The following STN1 variants were observed in gnomAD, a reference collection of about 807,000 sequenced individuals.
STN1 encodes CST complex subunit STN1.
A neutral mutation model predicts 45.5 loss-of-function variants in STN1; 29 were observed. That is an observed-to-expected ratio of 0.64 (90% confidence interval 0.47 to 0.87). STN1 has a LOEUF of 0.87. STN1 is among the 40% of genes least tolerant of loss of function. The probability of loss-of-function intolerance (pLI) is 0.00; values close to 1 mark genes in which losing one functional copy is unlikely to be tolerated. For synonymous variants in STN1, 148 were observed against 159.0 expected (o/e 0.93, Z 0.52); for missense variants, 376 against 441.4 (o/e 0.85, Z 1.33).
chr10:103,918,143 C>T lies in STN1; in HGVS notation c.-106G>A. ...CCTGCAGCTCCAGGAGCCCTGAGAC[C>T]TGGCCCTTCCGGCGCTCGGAGCCGC... On this transcript the variant is annotated 5_prime_UTR_variant, in exon 1 of 10. Coordinates refer to ENST00000224950, the MANE Select transcript of STN1 (RefSeq NM_024928.5). The T allele has an allele frequency of 6.5e-6, 1 of 152,714 alleles. No homozygotes were observed. The highest frequency in any genetic ancestry group is 1.5e-5 in the Non-Finnish European group (1 of 68,246). The allele number at this position is 152,714 out of a possible 1,614,324, so 9.5% of individuals were successfully genotyped here.
At chr10:103,893,827 C>A (rs1843155358) in intron 7 of STN1, among the ~76,000 whole-genome samples, 1 of 152,162 alleles carries the variant, frequency 6.6e-6, no homozygotes, top group Non-Finnish European at 1.5e-5. Context: ...ACAATAACAG[C>A]CTAACACACT....
chr10:103,900,651 T>C (rs903911370), intron 4 of STN1, among the ~76,000 whole-genome samples: 15 of 151,982 alleles, frequency 9.9e-5, no homozygotes, highest in African/African-American at 3.4e-4. Context: ...AACATCCCAA[T>C]TTCTCACCTC....
intron 9 of STN1, among the ~76,000 whole-genome samples, chr10:103,885,000 T>C (rs1474116724): frequency 6.6e-6 from 1 of 152,086 alleles, no homozygotes; most frequent in Admixed American, 6.5e-5. Context: ...GAGGAGCAAG[T>C]AGAGCTTGGC....
At chr10:103,900,451 T>C (rs773553655) in intron 4 of STN1, among the ~76,000 whole-genome samples, 4 of 152,192 alleles carry the variant, frequency 2.6e-5, no homozygotes, top group African/African-American at 9.7e-5. Flanking sequence ...GAGTCTAGAC[T>C]GAGGTCCAGC....
intron 4 of STN1, among the ~76,000 whole-genome samples, chr10:103,901,331 C>A (rs1340700594): frequency 6.6e-6 from 1 of 152,202 alleles, no homozygotes; most frequent in Non-Finnish European, 1.5e-5. Context: ...AAGCAATCCT[C>A]CCACCTCAGT....
At chr10:103,917,226 C>T (rs79344305) in intron 2 of STN1, among the ~76,000 whole-genome samples, 2,880 of 148,610 alleles carry the variant, frequency 0.019, 97 homozygotes, top group African/African-American at 0.064. Context: ...GGTAAAAACC[C>T]CAGTACAAAA....
At position 103,881,541 on chromosome 10, in the gene STN1, G is replaced by GT. The variant is rs1843068880; in HGVS notation, c.*1142dup. 2.6e-5 allele frequency among the ~76,000 whole-genome samples: 4 copies of GT among 152,322 alleles called. No homozygotes were observed. In the South Asian group the frequency reaches 8.3e-4, roughly 32 times the overall value. On this transcript the variant is annotated 3_prime_UTR_variant, in exon 10 of 10. Coordinates refer to ENST00000224950, the MANE Select transcript of STN1 (RefSeq NM_024928.5). ...TACTGGTTCTAGCTCTCAGCCTGAC[G>GT]TATCGAGCTGCAGCGGACTTCTGCG...
chr10:103,881,346 T>A lies in STN1; in HGVS notation c.*1338A>T, dbSNP rs572686380. Among the ~76,000 whole-genome samples the A allele has an allele frequency of 6.6e-6, 1 of 152,196 alleles. No homozygotes were observed. Among genetic ancestry groups the A allele is most frequent in the Admixed American group, 6.5e-5 (1 of 15,278 alleles). ...CCCCACTAATCAGATGCATTCAACG[T>A]GGAACAGCTGCTGACCTCAAGGAAG... On this transcript the variant is annotated 3_prime_UTR_variant, in exon 10 of 10. Transcript: ENST00000224950.
intron 4 of STN1, among the ~76,000 whole-genome samples, chr10:103,902,427 G>A (rs1204799506): frequency 6.6e-6 from 1 of 152,196 alleles, no homozygotes; most frequent in Admixed American, 6.5e-5. Flanking sequence ...GTTGGTCTGA[G>A]AAAAAGAGGC....
Position 103,917,959 on chromosome 10 carries a change from C to T in STN1, c.-63+141G>A, listed in dbSNP as rs79484496. 913 of 192,036 alleles carry T rather than the reference C, an allele frequency of 4.8e-3. 13 individuals are homozygous for T. Among genetic ancestry groups the T allele is most frequent in the African/African-American group, 0.02 (857 of 42,976 alleles). 11.9% of individuals were successfully genotyped at this position (192,036 alleles called of 1,614,324 possible). ...AGGCGTAGCAGAAACCGCTTGGGGT[C>T]CCGGGAGGAACGGGCGCCCTCGCAG... On this transcript the variant is annotated intron_variant, in intron 1 of 9. Coordinates refer to ENST00000224950, the MANE Select transcript of STN1 (RefSeq NM_024928.5).
intron 1 of STN1, 50 bp from the exon 2 acceptor site, chr10:103,917,706 G>A: frequency 7.9e-7 from 1 of 1,272,774 alleles, no homozygotes; most frequent in South Asian, 1.4e-5. Context: ...GTGGGTCAAA[G>A]TGGCACGGCC....
At chr10:103,911,375 T>C (rs983461520) in intron 2 of STN1, among the ~76,000 whole-genome samples, 5 of 152,070 alleles carry the variant, frequency 3.3e-5, no homozygotes, top group African/African-American at 1.2e-4. Flanking sequence ...TGTCCCCCAA[T>C]AACCTAACCC....
At chr10:103,917,116 G>A (rs899748389) in intron 2 of STN1, among the ~76,000 whole-genome samples, 6 of 151,944 alleles carry the variant, frequency 3.9e-5, no homozygotes, top group Non-Finnish European at 7.4e-5. Context: ...TTTAGGAAAG[G>A]AGCCAGGCCT....
intron 7 of STN1, among the ~76,000 whole-genome samples, chr10:103,895,197 C>T (rs1428481545): frequency 6.6e-6 from 1 of 152,186 alleles, no homozygotes; most frequent in Non-Finnish European, 1.5e-5. Context: ...GTGCCATATT[C>T]GATTCTTTTT....
chr10:103,899,895 G>C (rs1843195423), intron 5 of STN1, 167 bp downstream of exon 5: 1 of 560,392 alleles, frequency 1.8e-6, no homozygotes, highest in South Asian at 2.8e-5. Context: ...ATAAAAGTAA[G>C]AAATGCTGAT....
chr10:103,900,899 A>C (rs1360761756), intron 4 of STN1, among the ~76,000 whole-genome samples: 1 of 152,186 alleles, frequency 6.6e-6, no homozygotes, highest in Non-Finnish European at 1.5e-5. Context: ...AATCGTCACG[A>C]ATGTCTGGGT....
intron 7 of STN1, 47 bp from the exon 8 acceptor site, chr10:103,892,299 T>G (rs998602368): frequency 1.9e-6 from 3 of 1,543,078 alleles, no homozygotes; most frequent in Middle Eastern, 1.7e-4. Context: ...AGTCTCACCT[T>G]ACGGCACCTG....
intron 8 of STN1, among the ~76,000 whole-genome samples, chr10:103,889,949 C>T (rs1843128685): frequency 6.6e-6 from 1 of 152,140 alleles, no homozygotes; most frequent in South Asian, 2.1e-4. Context: ...AGTGATTCCA[C>T]CCGACTTGGC....
rs1158434228 is a variant in STN1 at position 103,881,937 on chromosome 10, T to C, written c.*747A>G. On this transcript the variant is annotated 3_prime_UTR_variant, in exon 10 of 10. Coordinates refer to ENST00000224950, the MANE Select transcript of STN1 (RefSeq NM_024928.5). ...ATAACATCTACCACCTGCCAGGCAA[T>C]TGGCTGACTGCCTCCGTGATCTTCA... Among the ~76,000 whole-genome samples the C allele has an allele frequency of 6.6e-6, 1 of 152,318 alleles. No individual in the cohort carries two copies. Among genetic ancestry groups the C allele is most frequent in the South Asian group, 2.1e-4 (1 of 4,830 alleles).
Sources: allele counts gnomAD v4.1 joint callset (sites outside exome capture counted in the v4.1 genomes callset), GRCh38; gene constraint gnomAD v4.1.1; transcripts MANE v1.5; gene names NCBI Gene and HGNC (gene_info 2026-07-23, HGNC 2026-07-21).